The following CIT variants were observed in gnomAD, a reference collection of about 807,000 sequenced individuals.
CIT encodes citron rho-interacting serine/threonine kinase, also known as citron Rho-interacting kinase.
Under a neutral mutation model 272.7 loss-of-function variants are expected in CIT, and 79 were observed. The observed-to-expected ratio is 0.29, with a 90% CI of 0.24 to 0.35. The LOEUF (loss-of-function observed/expected upper bound fraction) is 0.35, where lower values mean the gene tolerates loss of function less well. CIT is among the 10% of genes least tolerant of loss of function. CIT has a pLI of 1.00. For synonymous variants in CIT, 948 were observed against 995.6 expected, an observed-to-expected ratio of 0.95 and a Z score of 0.90; for missense variants, 1,909 against 2,618.3, an observed-to-expected ratio of 0.73 and a Z score of 5.91.
chr12:119,787,663 G>A (rs1214131783), intron 10 of CIT, among the ~76,000 whole-genome samples: 10 of 136,718 alleles, frequency 7.3e-5, no homozygotes, highest in South Asian at 2.4e-4. Context: ...CCCGGGAGGC[G>A]GAGCTTGCAG....
chr12:119,701,542 T>C, intron 43 of CIT, 82 bp downstream of exon 43: 2 of 1,513,086 alleles, frequency 1.3e-6, no homozygotes, highest in Non-Finnish European at 1.8e-6. Flanking sequence ...GCCCCAGAGC[T>C]CCATGTACCC....
At chr12:119,810,090 C>A (rs1273511278) in intron 9 of CIT, among the ~76,000 whole-genome samples, 4 of 152,220 alleles carry the variant, frequency 2.6e-5, no homozygotes, top group Non-Finnish European at 5.9e-5. Flanking sequence ...ATTAATTGAA[C>A]TCAAAGAGGG....
At chr12:119,757,302 C>T (rs1469295729) in intron 22 of CIT, 69 bp downstream of exon 22, 9 of 1,576,630 alleles carry the variant, frequency 5.7e-6, no homozygotes, top group Admixed American at 5.2e-5. Flanking sequence ...GATTTGTGCT[C>T]GAAAGCTGAC....
chr12:119,773,433 T>A (rs899809648), intron 16 of CIT, among the ~76,000 whole-genome samples: 1 of 152,164 alleles, frequency 6.6e-6, no homozygotes, highest in Non-Finnish European at 1.5e-5. Flanking sequence ...TGACTTCACC[T>A]GTTTTGCTTT....
chr12:119,770,979 G>C lies in CIT; in HGVS notation c.2083-69C>G. 1 of 1,555,808 alleles carries C rather than the reference G, an allele frequency of 6.4e-7. No individual in the cohort carries two copies. Among genetic ancestry groups the C allele is most frequent in the Non-Finnish European group, 8.7e-7 (1 of 1,149,306 alleles). ...CTATGGGCATAACACCTGCACCGAG[G>C]GAAAGAGCCCTCAAGAAGCATACAC... On this transcript the variant is annotated intron_variant, in intron 17 of 47. Transcript: ENST00000392521. The surrounding 1 kb of genome is among the most constrained non-coding windows in gnomAD (Gnocchi z 4.4).
intron 24 of CIT, among the ~76,000 whole-genome samples, chr12:119,739,883 C>G (rs954708556): frequency 6.6e-6 from 1 of 152,130 alleles, no homozygotes; most frequent in African/African-American, 2.4e-5. Flanking sequence ...ACCCAGCCCC[C>G]AAAGAGCAGT....
At position 119,753,978 on chromosome 12, in the gene CIT, C is replaced by T. The variant is rs371610499; in HGVS notation, c.2707-1731G>A. Among the ~76,000 whole-genome samples the T allele has an allele frequency of 6.6e-5, 10 of 152,286 alleles. No individual in the cohort carries two copies. In the East Asian group the frequency reaches 1.7e-3, roughly 26 times the overall value. On this transcript the variant is annotated intron_variant, in intron 22 of 47. Coordinates refer to ENST00000392521, the MANE Select transcript of CIT (RefSeq NM_001206999.2). The stretch of plus-strand genomic sequence containing the variant: ...TGGGTCAGAAACTCAAAAGAAAGGT[C>T]TGGATTGGCAACCTGGATCCAGGAG...
intron 3 of CIT, among the ~76,000 whole-genome samples, chr12:119,862,644 C>T (rs1205127496): frequency 6.6e-6 from 1 of 150,826 alleles, no homozygotes; most frequent in African/African-American, 2.4e-5. Flanking sequence ...CCCAACTCTA[C>T]TAAAAATACA....
At chr12:119,695,566 C>A (rs1030075117) in intron 46 of CIT, among the ~76,000 whole-genome samples, 1 of 152,134 alleles carries the variant, frequency 6.6e-6, no homozygotes, top group Non-Finnish European at 1.5e-5. Flanking sequence ...GAGGCCAAGG[C>A]GGGCAGATCA....
chr12:119,807,459 C>T (rs1430288441), intron 9 of CIT, among the ~76,000 whole-genome samples: 1 of 151,484 alleles, frequency 6.6e-6, no homozygotes, highest in East Asian at 1.9e-4. Context: ...TTGATCCTTA[C>T]AAAATGTGAT....
In CIT at chr12:119,789,855, G is replaced by A. The variant is rs560162312; in HGVS notation, c.1296-4790C>T. The stretch of plus-strand genomic sequence containing the variant: ...CGAGTAGCTGGGACTACAGGCGCAC[G>A]CCACCACGCCCAGCAAATTTTTTTT... On this transcript the variant is annotated intron_variant, in intron 10 of 47. Transcript: ENST00000392521. 3.8e-4 allele frequency among the ~76,000 whole-genome samples: 58 copies of A among 151,272 alleles called. 1 individual carries two copies. Among genetic ancestry groups the A allele is most frequent in the African/African-American group, 1.3e-3 (54 of 41,242 alleles).
chr12:119,811,594 G>A (rs1489231838), intron 9 of CIT, among the ~76,000 whole-genome samples: 7 of 152,320 alleles, frequency 4.6e-5, no homozygotes, highest in Non-Finnish European at 7.3e-5. Flanking sequence ...TTTCAATGGA[G>A]ATGTGAGCTC....
intron 20 of CIT, 78 bp downstream of exon 20, chr12:119,760,861 G>T: frequency 1.1e-6 from 1 of 902,036 alleles, no homozygotes; most frequent in Non-Finnish European, 1.8e-6. Flanking sequence ...AGGTGAAATA[G>T]AGTCTTATCA....
chr12:119,843,902 G>C (rs1194331930), intron 5 of CIT, among the ~76,000 whole-genome samples: 1 of 152,048 alleles, frequency 6.6e-6, no homozygotes, highest in African/African-American at 2.4e-5. Context: ...CCAATAGATA[G>C]GATGGAATTT....
chr12:119,826,815 G>C (rs183844859), intron 7 of CIT, among the ~76,000 whole-genome samples: 171 of 152,274 alleles, frequency 1.1e-3, no homozygotes, highest in African/African-American at 3.7e-3. Context: ...TACCTTGAAG[G>C]CTGGGCTTTT....
At chr12:119,852,937 G>A (rs908910094) in intron 4 of CIT, among the ~76,000 whole-genome samples, 2 of 152,006 alleles carry the variant, frequency 1.3e-5, no homozygotes, top group South Asian at 2.1e-4. Flanking sequence ...TGTTTATACT[G>A]TATGTGACGG....
intron 7 of CIT, among the ~76,000 whole-genome samples, chr12:119,830,207 A>C (rs577247723): frequency 2.0e-5 from 3 of 151,526 alleles, no homozygotes; most frequent in Middle Eastern, 3.4e-3. Flanking sequence ...CAACCCTAAA[A>C]GCTCAAGAGA....
intron 19 of CIT, among the ~76,000 whole-genome samples, chr12:119,761,871 C>T (rs1386764068): frequency 6.6e-6 from 1 of 152,158 alleles, no homozygotes; most frequent in Non-Finnish European, 1.5e-5. Flanking sequence ...ATCTAATGTT[C>T]TTTGGGGCAC....
intron 6 of CIT, 68 bp downstream of exon 6, chr12:119,834,018 C>A: frequency 6.8e-7 from 1 of 1,463,550 alleles, no homozygotes; most frequent in South Asian, 1.3e-5. Flanking sequence ...CCACTCATTT[C>A]CATGCAGGAA....
Sources: gnomAD v4.1 joint callset for allele counts (sites outside exome capture counted in the v4.1 genomes callset) on GRCh38, gnomAD v4.1.1 for gene constraint, Gnocchi (gnomAD v3.1) non-coding constraint, MANE v1.5 for transcripts, NCBI Gene and HGNC (gene_info 2026-07-23, HGNC 2026-07-21) for gene names.